The following GRM8 variants were observed in gnomAD, a reference collection of about 807,000 sequenced individuals.
GRM8 encodes metabotropic glutamate receptor 8.
Under a neutral mutation model 87.2 loss-of-function variants are expected in GRM8, and 47 were observed. The ratio of observed to expected loss-of-function variants is 0.54; its 90% CI spans 0.43 to 0.69. The LOEUF is 0.69. GRM8 is among the 30% of genes least tolerant of loss of function. The pLI, the probability that GRM8 is intolerant of heterozygous loss-of-function variation, is 0.00. For missense variants in GRM8, 1,019 were observed against 1,139.2 expected (o/e 0.89, Z 1.52); for synonymous variants, 396 against 404.5 (o/e 0.98, Z 0.25).
chr7:126,802,077 T>C (rs908187227), intron 6 of GRM8, among the ~76,000 whole-genome samples: 1 of 152,166 alleles, frequency 6.6e-6, no homozygotes, highest in Non-Finnish European at 1.5e-5. Context: ...AAAAACTATA[T>C]ATTTATGGTG....
Position 127,119,054 on chromosome 7 carries a change from G to T in GRM8, c.511-12342C>A, listed in dbSNP as rs1826875154. Among the ~76,000 whole-genome samples the T allele has an allele frequency of 2.0e-5, 3 of 152,158 alleles. 1 individual carries two copies. The highest frequency in any genetic ancestry group is 2.0e-4 in the Admixed American group (3 of 15,262). ...TGGCCCAGTTGGGTACCAACAAAAT[G>T]GTCTGAGACAAGTTTGGGGCAGGTT... On this transcript the variant is annotated intron_variant, in intron 2 of 10. Transcript: ENST00000339582.
At chr7:126,678,348 G>A (rs778409091) in intron 7 of GRM8, among the ~76,000 whole-genome samples, 3 of 152,126 alleles carry the variant, frequency 2.0e-5, no homozygotes, top group South Asian at 2.1e-4. Context: ...AAAGAATACC[G>A]TGGAGTAATC....
intron 2 of GRM8, among the ~76,000 whole-genome samples, chr7:127,178,248 G>T (rs1794229970): frequency 6.6e-6 from 1 of 152,088 alleles, no homozygotes; most frequent in African/African-American, 2.4e-5. Context: ...GTAGAAGAAA[G>T]AAACTCAGAG....
At chr7:127,044,350 A>T (rs1203502414) in intron 3 of GRM8, among the ~76,000 whole-genome samples, 1 of 152,190 alleles carries the variant, frequency 6.6e-6, no homozygotes, top group Non-Finnish European at 1.5e-5. Flanking sequence ...GACAAGGAAG[A>T]TCAATCTGGG....
intron 3 of GRM8, among the ~76,000 whole-genome samples, chr7:126,983,705 T>C (rs975782191): frequency 6.6e-6 from 1 of 152,180 alleles, no homozygotes; most frequent in African/African-American, 2.4e-5. Context: ...GGGCATCTCT[T>C]AGTATTACCA....
intron 8 of GRM8, among the ~76,000 whole-genome samples, chr7:126,555,006 G>A (rs1792983067): frequency 6.6e-6 from 1 of 152,126 alleles, no homozygotes; most frequent in South Asian, 2.1e-4. Flanking sequence ...TGATGGATGT[G>A]TTGCCTATAA....
At chr7:126,961,373 T>C (rs1317502851) in intron 3 of GRM8, among the ~76,000 whole-genome samples, 1 of 152,242 alleles carries the variant, frequency 6.6e-6, no homozygotes, top group East Asian at 1.9e-4. Context: ...CTTTGCTTAA[T>C]TTATCATTGA....
chr7:127,168,152 T>C (rs1265898531), intron 2 of GRM8, among the ~76,000 whole-genome samples: 1 of 151,866 alleles, frequency 6.6e-6, no homozygotes, highest in Non-Finnish European at 1.5e-5. Context: ...AGAACTTAAA[T>C]AAATTTACAA....
At chr7:126,527,421 T>C (rs939908992) in intron 9 of GRM8, among the ~76,000 whole-genome samples, 8 of 152,198 alleles carry the variant, frequency 5.3e-5, no homozygotes, top group African/African-American at 4.8e-5. Context: ...AAGATAGTTA[T>C]ATGCAGTGAT....
intron 3 of GRM8, among the ~76,000 whole-genome samples, chr7:127,049,228 T>TAC (rs967342330): frequency 3.3e-5 from 5 of 151,636 alleles, no homozygotes; most frequent in South Asian, 2.1e-4. Context: ...AACATACACA[T>TAC]ACACACACAC....
At chr7:126,610,324 C>T (rs147339290) in intron 7 of GRM8, among the ~76,000 whole-genome samples, 4 of 152,250 alleles carry the variant, frequency 2.6e-5, no homozygotes, top group East Asian at 3.9e-4. Context: ...TACAGACTTT[C>T]CTTTTCTCTA....
chr7:127,114,947 A>C (rs887840913), intron 2 of GRM8, among the ~76,000 whole-genome samples: 1 of 152,148 alleles, frequency 6.6e-6, no homozygotes, highest in Non-Finnish European at 1.5e-5. Flanking sequence ...GTGGAAAGCC[A>C]CAACCTAGAA....
At chr7:127,183,567 G>A (rs1460122759) in intron 2 of GRM8, among the ~76,000 whole-genome samples, 1 of 151,484 alleles carries the variant, frequency 6.6e-6, no homozygotes, top group Non-Finnish European at 1.5e-5. Context: ...GGCACTAAAT[G>A]CATATGTTAG....
At position 126,852,603 on chromosome 7, in the gene GRM8, C is replaced by A. The variant is rs547219618; in HGVS notation, c.1156+49939G>T. ...GAAAGATTAGAAATTGCTTTTGTGC[C>A]AAATTGGAACATTTAATAAACCTTC... is the stretch of plus-strand genomic sequence containing the variant. On this transcript the variant is annotated intron_variant, in intron 6 of 10. Coordinates refer to ENST00000339582, the MANE Select transcript of GRM8 (RefSeq NM_000845.3). Among the ~76,000 whole-genome samples, 109 of 152,212 alleles carry A rather than the reference C, an allele frequency of 7.2e-4. 1 individual carries two copies. Among genetic ancestry groups the A allele is most frequent in the African/African-American group, 2.6e-3 (108 of 41,542 alleles).
chr7:126,477,592 AAAGAAAG>A (rs201106066), intron 9 of GRM8, among the ~76,000 whole-genome samples: 37,877 of 124,858 alleles, frequency 0.3, 6,271 homozygotes, highest in Middle Eastern at 0.46. Flanking sequence ...AGAAAGAAAG[AAAGAAAG>A]AAAGAAAGAA....
intron 3 of GRM8, among the ~76,000 whole-genome samples, chr7:126,946,341 C>G (rs749574970): frequency 6.6e-5 from 10 of 152,122 alleles, no homozygotes; most frequent in Non-Finnish European, 1.3e-4. Flanking sequence ...CCCATCTCTA[C>G]AAAATATTAC....
At chr7:126,898,055 C>T (rs1456644704) in intron 6 of GRM8, among the ~76,000 whole-genome samples, 2 of 152,056 alleles carry the variant, frequency 1.3e-5, no homozygotes, top group Admixed American at 6.6e-5. Context: ...CGCAGATCAC[C>T]GTCGCCTAAT....
intron 2 of GRM8, among the ~76,000 whole-genome samples, chr7:127,161,950 A>C (rs1216427637): frequency 1.3e-5 from 2 of 152,168 alleles, no homozygotes; most frequent in African/African-American, 2.4e-5. Flanking sequence ...ATTATAACTC[A>C]GTACTTCCTC....
chr7:126,843,281 C>T (rs970656088), intron 6 of GRM8, among the ~76,000 whole-genome samples: 3 of 151,794 alleles, frequency 2.0e-5, no homozygotes, highest in African/African-American at 7.3e-5. Flanking sequence ...AGGACTAAAT[C>T]CATTATATAA....
Sources: gnomAD v4.1 joint callset for allele counts (sites outside exome capture counted in the v4.1 genomes callset) on GRCh38, gnomAD v4.1.1 for gene constraint, MANE v1.5 for transcripts, NCBI Gene and HGNC (gene_info 2026-07-23, HGNC 2026-07-21) for gene names.